PAG1: variants seen among roughly 807,000 people sequenced by gnomAD.
The protein encoded by PAG1 is phosphoprotein membrane anchor with glycosphingolipid microdomains 1.
A neutral mutation model predicts 31.7 loss-of-function variants in PAG1; 23 were observed. The ratio of observed to expected loss-of-function variants is 0.73; its 90% CI spans 0.52 to 1.03. The LOEUF (loss-of-function observed/expected upper bound fraction) is 1.03, where lower values mean the gene tolerates loss of function less well. Ranked by LOEUF, PAG1 falls within the 50% of genes least tolerant of loss-of-function variation. The pLI, the probability that PAG1 is intolerant of heterozygous loss-of-function variation, is 0.00. For missense variants in PAG1, 473 were observed against 540.7 expected (o/e 0.87, Z 1.24); for synonymous variants, 214 against 210.3 (o/e 1.02, Z -0.15).
Position 81,015,035 on chromosome 8 carries a change from C to A in PAG1, c.-81+14961G>T, listed in dbSNP as rs1196873830. ...CCCTCAATGCACATTTGCCATATTT[C>A]TGCACTACACATTCTTGAATACCCT... On this transcript the variant is annotated intron_variant, in intron 3 of 8. Transcript: ENST00000220597. Among the ~76,000 whole-genome samples the A allele has an allele frequency of 7.9e-5, 12 of 152,314 alleles. No homozygotes were observed. The South Asian group carries it at 2.5e-3, about 32-fold the overall frequency.
chr8:80,976,872 C>T lies in PAG1; in HGVS notation c.971G>A (p.Gly324Glu). The T allele has an allele frequency of 6.2e-7, 1 of 1,613,166 alleles. No individual in the cohort carries two copies. The highest frequency in any genetic ancestry group is 8.5e-7 in the Non-Finnish European group (1 of 1,179,310). The stretch of plus-strand genomic sequence containing the variant: ...CTGCCCCGATTTATTCACTAACTGT[C>T]CAGGTTTATTTACTGATGAGTACAT... ...SAMYSSVNKP[G>E]QLVNKSGQSL... is the part of the protein sequence containing the mutation. The change falls in exon 9 of 9, where the codon GGA (glycine) becomes GAA (glutamate). Residue 324 changes from glycine (G) to glutamate (E), a missense_variant. Coordinates refer to ENST00000220597, the MANE Select transcript of PAG1 (RefSeq NM_018440.4).
At chr8:81,059,093 T>C (rs191777499) in intron 2 of PAG1, among the ~76,000 whole-genome samples, 2 of 152,192 alleles carry the variant, frequency 1.3e-5, no homozygotes, top group Admixed American at 6.5e-5. Context: ...TACTTAAGTA[T>C]ATATATAGGC....
Position 80,992,529 on chromosome 8 carries a change from C to A in PAG1, c.125+574G>T, listed in dbSNP as rs144006371. On this transcript the variant is annotated intron_variant, in intron 4 of 8. Transcript: ENST00000220597. ...AGAACTTCTCTCTGAGCAAAGATTT[C>A]TCTTGTTGGGGGTACTGACATTTTA... 3.5e-3 allele frequency among the ~76,000 whole-genome samples: 534 copies of A among 152,232 alleles called. 3 individuals carry two copies. The highest frequency in any genetic ancestry group is 0.011 in the African/African-American group (445 of 41,534).
chr8:81,050,814 C>G (rs115491759), intron 2 of PAG1, among the ~76,000 whole-genome samples: 1 of 152,172 alleles, frequency 6.6e-6, no homozygotes, highest in East Asian at 1.9e-4. Context: ...TCCTCACATT[C>G]CTGCTGCATG....
intron 1 of PAG1, among the ~76,000 whole-genome samples, chr8:81,070,665 A>AG (rs1809078240): frequency 6.6e-6 from 1 of 152,140 alleles, no homozygotes; most frequent in Admixed American, 6.5e-5. Context: ...CACAAAAAAA[A>AG]AAAGGTGAAA....
At chr8:81,020,661 T>A (rs1410426295) in intron 3 of PAG1, among the ~76,000 whole-genome samples, 1 of 152,234 alleles carries the variant, frequency 6.6e-6, no homozygotes, top group East Asian at 1.9e-4. Flanking sequence ...CTTGTGTATG[T>A]CTTTATTAGC....
At chr8:80,982,117 C>T (rs1332213658) in intron 7 of PAG1, among the ~76,000 whole-genome samples, 1 of 152,056 alleles carries the variant, frequency 6.6e-6, no homozygotes, top group Non-Finnish European at 1.5e-5. Flanking sequence ...CCACCCACCT[C>T]GGCCTCCCAA....
intron 1 of PAG1, among the ~76,000 whole-genome samples, chr8:81,091,552 A>G (rs1245871956): frequency 6.6e-6 from 1 of 152,168 alleles, no homozygotes; most frequent in Non-Finnish European, 1.5e-5. Flanking sequence ...ACAGCATGTT[A>G]CTGTACTGAA....
intron 1 of PAG1, among the ~76,000 whole-genome samples, chr8:81,096,798 G>A (rs967261118): frequency 4.6e-5 from 7 of 152,218 alleles, no homozygotes; most frequent in Non-Finnish European, 1.0e-4. Flanking sequence ...GCCTCATGAT[G>A]AGATAAGTAA....
chr8:80,976,834 G>C lies in PAG1; in HGVS notation c.1009C>G (p.Pro337Ala). Residue 337 changes from proline (P) to alanine (A), a missense_variant, in exon 9 of 9, where the codon CCG (proline) becomes GCG (alanine). Coordinates refer to ENST00000220597, the MANE Select transcript of PAG1 (RefSeq NM_018440.4). ...VNKSGQSLTV[P>A]ESTYTSIQGD... ...TGAATGGAGGTGTAGGTGGACTCCG[G>C]AACTGTAAGCGACTGCCCCGATTTA... The C allele has an allele frequency of 6.2e-7, 1 of 1,612,954 alleles. No homozygotes were observed. The highest frequency in any genetic ancestry group is 8.5e-7 in the Non-Finnish European group (1 of 1,179,292).
chr8:81,036,218 A>ACTT (rs1369985462), intron 2 of PAG1, among the ~76,000 whole-genome samples: 1 of 152,194 alleles, frequency 6.6e-6, no homozygotes, highest in Non-Finnish European at 1.5e-5. Context: ...CCTAATGTGG[A>ACTT]CTAAGACTGG....
Position 80,976,726 on chromosome 8 carries a change from G to A in PAG1, c.1117C>T (p.Leu373Phe), listed in dbSNP as rs772336841. The A allele has an allele frequency of 1.2e-6, 2 of 1,614,024 alleles. No individual in the cohort carries two copies. Among genetic ancestry groups the A allele is most frequent in the Non-Finnish European group, 1.7e-6 (2 of 1,179,998 alleles). ...KDFEKTPNST[L>F]PPAGRPSEEP... Reference sequence around the variant, plus strand: ...TCGCTGGGCCTCCCTGCTGGTGGAAGTGTGCTGTTTGGAGTTTTTTCGAAG... The same window carrying A: ...TCGCTGGGCCTCCCTGCTGGTGGAAATGTGCTGTTTGGAGTTTTTTCGAAG... The change falls in exon 9 of 9, where the codon CTT becomes TTT. Residue 373 changes from leucine (L) to phenylalanine (F), a missense_variant. Coordinates refer to ENST00000220597, the MANE Select transcript of PAG1 (RefSeq NM_018440.4).
At chr8:81,050,880 G>C (rs1808717338) in intron 2 of PAG1, among the ~76,000 whole-genome samples, 1 of 152,190 alleles carries the variant, frequency 6.6e-6, no homozygotes, top group Non-Finnish European at 1.5e-5. Context: ...CAAACTCACT[G>C]CCTTCAGCCT....
chr8:80,989,975 A>G (rs1215587002), intron 5 of PAG1, among the ~76,000 whole-genome samples: 3 of 152,104 alleles, frequency 2.0e-5, no homozygotes, highest in Non-Finnish European at 4.4e-5. Context: ...TGGTGGAGTG[A>G]CGAAAGGCAG....
intron 2 of PAG1, among the ~76,000 whole-genome samples, chr8:81,052,650 C>T (rs1431415802): frequency 6.6e-6 from 1 of 152,074 alleles, no homozygotes; most frequent in Non-Finnish European, 1.5e-5. Context: ...AATCATTAAC[C>T]ACAGAAATAT....
intron 3 of PAG1, among the ~76,000 whole-genome samples, chr8:81,017,570 C>G (rs1035607683): frequency 2.0e-5 from 3 of 152,222 alleles, no homozygotes; most frequent in Non-Finnish European, 4.4e-5. Flanking sequence ...GGGCAAGCAA[C>G]ACGTGCTTTC....
chr8:81,056,094 T>C (rs1808818317), intron 2 of PAG1, among the ~76,000 whole-genome samples: 2 of 152,202 alleles, frequency 1.3e-5, no homozygotes, highest in Admixed American at 6.5e-5. Flanking sequence ...GGCTGTGGGT[T>C]TGTCATAAAT....
intron 5 of PAG1, among the ~76,000 whole-genome samples, chr8:80,988,025 A>G (rs751388267): frequency 6.6e-5 from 10 of 152,260 alleles, no homozygotes; most frequent in Non-Finnish European, 1.0e-4. Flanking sequence ...ACCATATCCA[A>G]TAGGAGATAC....
rs73692376 is a variant in PAG1, at chr8:81,105,966, C to T, written c.-234+5625G>A. ...ATTACTTGCAAATGAATACATGATA[C>T]GGTACCTAGGGATTGGGTCAGCTGG... is the stretch of plus-strand genomic sequence containing the variant. On this transcript the variant is annotated intron_variant, in intron 1 of 8. Coordinates refer to ENST00000220597, the MANE Select transcript of PAG1 (RefSeq NM_018440.4). Among the ~76,000 whole-genome samples the T allele has an allele frequency of 7.2e-3, 1,095 of 152,234 alleles. 16 individuals carry two copies. Among genetic ancestry groups the T allele is most frequent in the African/African-American group, 0.025 (1,026 of 41,504 alleles).
Sources: gnomAD v4.1 joint callset for allele counts (sites outside exome capture counted in the v4.1 genomes callset) on GRCh38, gnomAD v4.1.1 for gene constraint, MANE v1.5 for transcripts, NCBI Gene and HGNC (gene_info 2026-07-23, HGNC 2026-07-21) for gene names.